AP3S1: variants seen among roughly 807,000 people sequenced by gnomAD.
The protein encoded by AP3S1 is AP-3 complex subunit sigma-1.
A neutral mutation model predicts 21.3 loss-of-function variants in AP3S1; 12 were observed. The observed-to-expected ratio is 0.56, with a 90% CI of 0.36 to 0.91. The LOEUF (loss-of-function observed/expected upper bound fraction) is 0.91. Among genes scored for constraint, AP3S1 ranks in the 40% least tolerant of loss-of-function variants. The pLI is 0.01. For missense variants in AP3S1, 116 were observed against 225.0 expected (o/e 0.52, Z 3.10); for synonymous variants, 48 against 78.4 (o/e 0.61, Z 2.05).
At chr5:115,873,635 C>G (rs190607876) in intron 3 of AP3S1, among the ~76,000 whole-genome samples, 44 of 152,188 alleles carry the variant, frequency 2.9e-4, no homozygotes, top group Non-Finnish European at 5.1e-4. Context: ...GAGTCAGTCA[C>G]TTTAAAAAAC....
At chr5:115,854,366 G>A (rs1428217792) in intron 1 of AP3S1, among the ~76,000 whole-genome samples, 1 of 152,140 alleles carries the variant, frequency 6.6e-6, no homozygotes, top group Non-Finnish European at 1.5e-5. Flanking sequence ...TTTATACATT[G>A]TAAGAGAAAA....
chr5:115,878,522 T>C (rs1028180054), intron 3 of AP3S1, among the ~76,000 whole-genome samples: 1 of 152,222 alleles, frequency 6.6e-6, no homozygotes, highest in African/African-American at 2.4e-5. Context: ...TGTGGCATTA[T>C]TTCTGAGGCC....
intron 5 of AP3S1, among the ~76,000 whole-genome samples, chr5:115,910,310 C>T (rs1751996579): frequency 6.7e-6 from 1 of 150,322 alleles, no homozygotes. Context: ...AGGCCTTTCT[C>T]TATCACAATA....
At chr5:115,909,329 A>T (rs1751914701) in intron 5 of AP3S1, among the ~76,000 whole-genome samples, 1 of 152,214 alleles carries the variant, frequency 6.6e-6, no homozygotes, top group Admixed American at 6.5e-5. Flanking sequence ...TCAAAAACAA[A>T]TCATATCCAT....
At chr5:115,874,610 A>G (rs1748545849) in intron 3 of AP3S1, among the ~76,000 whole-genome samples, 1 of 152,110 alleles carries the variant, frequency 6.6e-6, no homozygotes, top group South Asian at 2.1e-4. Flanking sequence ...CGTTCTGACC[A>G]TGTTGTTAGA....
At chr5:115,895,590 C>T (rs536924549) in intron 4 of AP3S1, among the ~76,000 whole-genome samples, 1 of 152,154 alleles carries the variant, frequency 6.6e-6, no homozygotes, top group South Asian at 2.1e-4. Flanking sequence ...GATCAACAGG[C>T]CTAGTTTAAA....
At chr5:115,872,232 G>T (rs1748327279) in intron 3 of AP3S1, among the ~76,000 whole-genome samples, 1 of 152,038 alleles carries the variant, frequency 6.6e-6, no homozygotes, top group Non-Finnish European at 1.5e-5. Flanking sequence ...GTAGTGAGCT[G>T]AGATTGTGCC....
At chr5:115,895,023 C>T in intron 3 of AP3S1, 64 bp from the exon 4 acceptor site, 1 of 1,103,498 alleles carries the variant, frequency 9.1e-7, no homozygotes. Context: ...GAATTGCCTT[C>T]CTTATAGATA....
chr5:115,908,357 T>TA (rs1033117075), intron 5 of AP3S1, among the ~76,000 whole-genome samples: 11 of 152,130 alleles, frequency 7.2e-5, no homozygotes, highest in East Asian at 1.9e-4. Flanking sequence ...TGGCCTTTTT[T>TA]AAAAAAAATC....
intron 4 of AP3S1, among the ~76,000 whole-genome samples, chr5:115,900,441 C>G (rs1257144722): frequency 6.6e-6 from 1 of 152,178 alleles, no homozygotes; most frequent in Admixed American, 6.5e-5. Context: ...GCTTTGGTAG[C>G]TGTCTTGTGT....
At position 115,860,728 on chromosome 5, in the gene AP3S1, T is replaced by C. The variant is rs567827165; in HGVS notation, c.70-5942T>C. ...CAAGATTTTGTTGTTGTTGTCTTCC[T>C]TTCCCATTCTCCTCATCCTTGTGTG... is the stretch of plus-strand genomic sequence containing the variant. On this transcript the variant is annotated intron_variant, in intron 1 of 5. Coordinates refer to ENST00000316788, the MANE Select transcript of AP3S1 (RefSeq NM_001284.4). 2.0e-5 allele frequency among the ~76,000 whole-genome samples: 3 copies of C among 152,352 alleles called. No homozygotes were observed. The East Asian group carries it at 5.8e-4, about 29-fold the overall frequency.
At chr5:115,911,211 T>C (rs1752076743) in intron 5 of AP3S1, among the ~76,000 whole-genome samples, 1 of 152,100 alleles carries the variant, frequency 6.6e-6, no homozygotes, top group South Asian at 2.1e-4. Flanking sequence ...TTTTTTGCTT[T>C]AGTTTAGCTC....
intron 1 of AP3S1, among the ~76,000 whole-genome samples, chr5:115,866,452 TA>T: frequency 6.6e-6 from 1 of 152,328 alleles, no homozygotes; most frequent in Non-Finnish European, 1.5e-5. Context: ...GTGTTACTTT[TA>T]TTATAGTGGT....
intron 1 of AP3S1, among the ~76,000 whole-genome samples, chr5:115,857,726 A>C (rs2112800522): frequency 6.6e-6 from 1 of 152,254 alleles, no homozygotes; most frequent in East Asian, 1.9e-4. Flanking sequence ...GACATGATTT[A>C]TTCTGCTATT....
intron 3 of AP3S1, among the ~76,000 whole-genome samples, chr5:115,883,936 G>A (rs913948988): frequency 2.6e-5 from 4 of 151,982 alleles, no homozygotes; most frequent in Admixed American, 1.3e-4. Context: ...TCATAAACCC[G>A]GTTCTTTCTT....
At chr5:115,872,198 G>A (rs577748580) in intron 3 of AP3S1, among the ~76,000 whole-genome samples, 43 of 152,250 alleles carry the variant, frequency 2.8e-4, no homozygotes, top group Admixed American at 5.2e-4. Flanking sequence ...GGGAGGCTGA[G>A]GCGGGAGCCA....
At chr5:115,912,253 G>C (rs1208135553) in intron 5 of AP3S1, 4 of 151,920 alleles carry the variant, frequency 2.6e-5, no homozygotes, top group Admixed American at 6.5e-5. Flanking sequence ...TATGGACATT[G>C]CCATATATAA....
In AP3S1 at chr5:115,913,434, A is replaced by T; in HGVS notation, c.526A>T (p.Asn176Tyr). The stretch of plus-strand genomic sequence containing the variant: ...TATGAATCTTCCTGAGATCCCAAGA[A>T]ATATTAACATTGGTGACATCAGTAT... Reference protein sequence around the residue: ...KNMNLPEIPRNINIGDISIKV... With the variant: ...KNMNLPEIPRYINIGDISIKV... Residue 176 changes from asparagine (N) to tyrosine (Y), a missense_variant, in exon 6 of 6, where the codon AAT becomes TAT. Asn to Tyr is a moderately radical substitution (Grantham distance 143). Transcript: ENST00000316788. 1 of 1,613,970 alleles carries T rather than the reference A, an allele frequency of 6.2e-7. No individual in the cohort carries two copies. The highest frequency in any genetic ancestry group is 8.5e-7 in the Non-Finnish European group (1 of 1,179,806).
At chr5:115,874,175 T>A (rs1580674453) in intron 3 of AP3S1, among the ~76,000 whole-genome samples, 2 of 152,256 alleles carry the variant, frequency 1.3e-5, no homozygotes, top group East Asian at 3.9e-4. Context: ...TTTTAAAAAT[T>A]CCTTGTAAGT....
Sources: gnomAD v4.1 joint callset for allele counts (sites outside exome capture counted in the v4.1 genomes callset) on GRCh38, gnomAD v4.1.1 for gene constraint, MANE v1.5 for transcripts, NCBI Gene and HGNC (gene_info 2026-07-23, HGNC 2026-07-21) for gene names.